COL28A1: variants seen among roughly 807,000 people sequenced by gnomAD.
COL28A1 encodes collagen type XXVIII alpha 1 chain, also known as collagen alpha-1(XXVIII) chain.
In COL28A1, 161 loss-of-function variants were observed where a neutral mutation model predicts 150.2. The observed-to-expected ratio is 1.07, with a 90% CI of 0.94 to 1.22. The LOEUF is 1.22. Ranked by LOEUF, COL28A1 falls within the 50% of genes most tolerant of loss-of-function variation. The pLI is 0.00. For synonymous variants in COL28A1, 552 were observed against 469.7 expected, an observed-to-expected ratio of 1.18 and a Z score of -2.26; for missense variants, 1,617 against 1,388.3, an observed-to-expected ratio of 1.16 and a Z score of -2.62.
Position 7,510,242 on chromosome 7 carries a change from A to G in COL28A1, c.927+849T>C, listed in dbSNP as rs574107185. ...TTGGCCTTTTGAGGAACTCTTTAAC[A>G]TAATATTATTTCCAAATTTAAGTGC... On this transcript the variant is annotated intron_variant, in intron 9 of 34. Coordinates refer to ENST00000399429, the MANE Select transcript of COL28A1 (RefSeq NM_001037763.3). Among the ~76,000 whole-genome samples, 5 of 152,240 alleles carry G rather than the reference A, an allele frequency of 3.3e-5. No homozygotes were observed. In the South Asian group the frequency reaches 1.0e-3, roughly 32 times the overall value.
At chr7:7,436,574 A>C in intron 22 of COL28A1, 111 bp from the exon 23 acceptor site, 1 of 731,708 alleles carries the variant, frequency 1.4e-6, no homozygotes. Flanking sequence ...TGTCCATCTC[A>C]GACCTTGAGA....
intron 27 of COL28A1, among the ~76,000 whole-genome samples, chr7:7,385,652 G>C (rs1385586065): frequency 6.6e-6 from 1 of 152,168 alleles, no homozygotes; most frequent in Admixed American, 6.5e-5. Context: ...ACTGTTGTAA[G>C]GGGAAGCATG....
chr7:7,415,970 G>A (rs1216403937), intron 27 of COL28A1, among the ~76,000 whole-genome samples: 2 of 151,836 alleles, frequency 1.3e-5, no homozygotes, highest in African/African-American at 4.8e-5. Context: ...ACCAAGCTAA[G>A]TTTTGTATTT....
chr7:7,408,862 ATT>A (rs1404596706), intron 27 of COL28A1, among the ~76,000 whole-genome samples: 1 of 152,192 alleles, frequency 6.6e-6, no homozygotes, highest in Non-Finnish European at 1.5e-5. Flanking sequence ...GCAAATTAAA[ATT>A]TTGAGTGACA....
In COL28A1 at chr7:7,387,871, C is replaced by G. The variant is rs1782284340; in HGVS notation, c.2137-6259G>C. Among the ~76,000 whole-genome samples, 4 of 152,228 alleles carry G rather than the reference C, an allele frequency of 2.6e-5. No homozygotes were observed. In the South Asian group the frequency reaches 8.3e-4, roughly 32 times the overall value. ...TACTCAAAGTTTGGGAGCCCAAAGG[C>G]TAAAAGAAAATCAAAAGACCTAAAA... On this transcript the variant is annotated intron_variant, in intron 27 of 34. Transcript: ENST00000399429.
chr7:7,433,387 G>A (rs1006317642), intron 23 of COL28A1, among the ~76,000 whole-genome samples: 3 of 152,134 alleles, frequency 2.0e-5, no homozygotes, highest in African/African-American at 4.8e-5. Context: ...TGTAATCCCA[G>A]CACTTTGGGA....
intron 27 of COL28A1, among the ~76,000 whole-genome samples, chr7:7,394,838 A>G (rs1782748169): frequency 6.6e-6 from 1 of 152,192 alleles, no homozygotes; most frequent in Non-Finnish European, 1.5e-5. Context: ...AATAGAGGTA[A>G]TTATTTATAA....
chr7:7,404,644 A>C (rs551264367), intron 27 of COL28A1, among the ~76,000 whole-genome samples: 56 of 152,190 alleles, frequency 3.7e-4, no homozygotes, highest in Non-Finnish European at 6.8e-4. Context: ...TTATCTACTC[A>C]TAAGGCCATC....
intron 27 of COL28A1, among the ~76,000 whole-genome samples, chr7:7,398,609 T>C (rs529924625): frequency 1.3e-5 from 2 of 152,326 alleles, no homozygotes; most frequent in African/African-American, 4.8e-5. Flanking sequence ...TTTGAGGGGC[T>C]TTTCCAGTTG....
intron 15 of COL28A1, among the ~76,000 whole-genome samples, chr7:7,459,631 G>A (rs1010295589): frequency 4.6e-5 from 7 of 152,128 alleles, no homozygotes; most frequent in Non-Finnish European, 8.8e-5. Flanking sequence ...CTTTATGGCT[G>A]TATCAGCCTC....
At position 7,521,957 on chromosome 7, in the gene COL28A1, T is replaced by C; in HGVS notation, c.707A>G (p.Glu236Gly). 9.6e-7 allele frequency: 1 copy of C among 1,044,174 alleles called. No individual in the cohort carries two copies. The highest frequency in any genetic ancestry group is 1.5e-6 in the Non-Finnish European group (1 of 658,496). The allele number at this position is 1,044,174 out of a possible 1,614,324, so 64.7% of individuals were successfully genotyped here. The change falls in exon 5 of 35, where the codon GAA becomes GGA. Residue 236 changes from glutamate (E) to glycine (G), a missense_variant. Physicochemically the swap from Glu to Gly is moderately conservative, Grantham distance 98. Transcript: ENST00000399429. ...RLDILFEKKC[E>G]RKICECEKGD... is the part of the protein sequence containing the mutation. ...CTTCTCACATTCACAAATCTTGCGT[T>C]CACACTGAATCAATAATGAAATATG...
rs370169963 is a variant in COL28A1 at position 7,373,436 on chromosome 7, T to C, written c.2470A>G (p.Met824Val). 1.1e-5 allele frequency: 18 copies of C among 1,614,156 alleles called. No homozygotes were observed. The African/African-American group carries it at 1.7e-4, about 16-fold the overall frequency. ...AGGTCCAGAGCAACCCGGTCAGCCA[T>C]AGTCTTCACAAAATTTTTAATGATC... is the stretch of plus-strand genomic sequence containing the variant. ...FQIIKNFVKT[M>V]ADRVALDLAT... is the part of the protein sequence containing the mutation. The change falls in exon 32 of 35, where the codon ATG (methionine) becomes GTG (valine). Residue 824 changes from methionine to valine, a missense_variant. Transcript: ENST00000399429. The surrounding 1 kb of genome is among the most constrained non-coding windows in gnomAD (Gnocchi z 4.1).
intron 33 of COL28A1, among the ~76,000 whole-genome samples, 195 bp from the exon 34 acceptor site, chr7:7,360,723 G>A (rs905692410): frequency 1.3e-5 from 2 of 152,082 alleles, no homozygotes; most frequent in Middle Eastern, 3.2e-3. Context: ...CCAAGTTGTG[G>A]ATTTTCCCAC....
intron 25 of COL28A1, among the ~76,000 whole-genome samples, chr7:7,429,473 T>G (rs4720734): frequency 0.19 from 20,434 of 106,080 alleles, 2,178 homozygotes; most frequent in Middle Eastern, 0.36. Flanking sequence ...TGTGTGTGTG[T>G]GGGGGGGGGG....
At chr7:7,441,857 T>C (rs188553096) in intron 20 of COL28A1, among the ~76,000 whole-genome samples, 229 of 152,292 alleles carry the variant, frequency 1.5e-3, no homozygotes, top group African/African-American at 5.2e-3. Context: ...GAGGTTTCCA[T>C]GGTCCACACT....
At chr7:7,543,465 T>C in the COL28A1 span, among the ~76,000 whole-genome samples, 120 of 152,376 alleles carry the variant, frequency 7.9e-4, 1 homozygote, top group Middle Eastern at 0.017. Context: ...TCCATCACTT[T>C]CTTTGGCCTA....
intron 27 of COL28A1, among the ~76,000 whole-genome samples, chr7:7,401,942 T>C (rs139992887): frequency 4.9e-4 from 75 of 152,302 alleles, no homozygotes; most frequent in Admixed American, 1.4e-3. Flanking sequence ...ATTCTATCCA[T>C]TGCCTGAGCT....
At chr7:7,415,949 T>C (rs972642204) in intron 27 of COL28A1, among the ~76,000 whole-genome samples, 1 of 152,086 alleles carries the variant, frequency 6.6e-6, no homozygotes, top group African/African-American at 2.4e-5. Context: ...ACTACAGACA[T>C]GCACCACCAC....
At position 7,373,342 on chromosome 7, in the gene COL28A1, A is replaced by T; in HGVS notation, c.2564T>A (p.Phe855Tyr). Residue 855 changes from phenylalanine to tyrosine, a missense_variant, in exon 32 of 35, where the codon TTC becomes TAC. Physicochemically the swap from Phe to Tyr is conservative, Grantham distance 22 (BLOSUM62 3). Coordinates refer to ENST00000399429, the MANE Select transcript of COL28A1 (RefSeq NM_001037763.3). The surrounding 1 kb of genome is among the most constrained non-coding windows in gnomAD (Gnocchi z 4.1). ...CAACTTGAAGTCATCCTTGCTGGAG[A>T]ACTGCTTCAAATTAGCCACCTTCTC... ...KVEKVANLKQ[F>Y]SSKDDFKLAV... 1 of 1,614,130 alleles carries T rather than the reference A, an allele frequency of 6.2e-7. No individual in the cohort carries two copies. Among genetic ancestry groups the T allele is most frequent in the Non-Finnish European group, 8.5e-7 (1 of 1,180,034 alleles).
Sources: allele counts gnomAD v4.1 joint callset (sites outside exome capture counted in the v4.1 genomes callset), GRCh38; gene constraint gnomAD v4.1.1; non-coding constraint Gnocchi (gnomAD v3.1); transcripts MANE v1.5; gene names NCBI Gene and HGNC (gene_info 2026-07-23, HGNC 2026-07-21).